KCNQ1: variants seen among roughly 807,000 people sequenced by gnomAD.
The protein encoded by KCNQ1 is potassium voltage-gated channel subfamily Q member 1, also known as potassium voltage-gated channel subfamily KQT member 1.
Under a neutral mutation model 72.4 loss-of-function variants are expected in KCNQ1, and 49 were observed. The observed-to-expected ratio is 0.68, with a 90% CI of 0.54 to 0.86. The LOEUF (loss-of-function observed/expected upper bound fraction) is 0.86, where lower values mean the gene tolerates loss of function less well. Among genes scored for constraint, KCNQ1 ranks in the 40% least tolerant of loss-of-function variants. KCNQ1 has a pLI of 0.00. For missense variants in KCNQ1, 790 were observed against 945.1 expected (o/e 0.84, Z 2.15); for synonymous variants, 450 against 412.6 (o/e 1.09, Z -1.10).
At chr11:2,459,684 C>T (rs1221849549) in intron 1 of KCNQ1, among the ~76,000 whole-genome samples, 4 of 152,084 alleles carry the variant, frequency 2.6e-5, no homozygotes, top group Admixed American at 2.0e-4. Context: ...GGTCCCTCCC[C>T]CCAGACCACC....
chr11:2,752,587 GCTGTGTC>G lies in KCNQ1; in HGVS notation c.1515-16254_1515-16248del, dbSNP rs750321428. On this transcript the variant is annotated intron_variant, in intron 11 of 15. Coordinates refer to ENST00000155840, the MANE Select transcript of KCNQ1 (RefSeq NM_000218.3). This position sits in a 1 kb window ranked among gnomAD's most constrained non-coding sequence, Gnocchi z 5.2. Reference sequence around the variant, plus strand: ...CTGTCTGATTCATGGAAGTCAGCGGGCTGTGTCCTCACGTGGCAGAAGAGGCAAAAAT... The same window carrying G: ...CTGTCTGATTCATGGAAGTCAGCGGGCTCACGTGGCAGAAGAGGCAAAAAT... Among the ~76,000 whole-genome samples the G allele has an allele frequency of 6.6e-6, 1 of 152,156 alleles. No individual in the cohort carries two copies. The highest frequency in any genetic ancestry group is 1.5e-5 in the Non-Finnish European group (1 of 68,030).
rs1471867324 is a variant in KCNQ1 at position 2,746,522 on chromosome 11, T to C, written c.1515-22322T>C. 6.6e-6 allele frequency among the ~76,000 whole-genome samples: 1 copy of C among 152,194 alleles called. No individual in the cohort carries two copies. The highest frequency in any genetic ancestry group is 1.9e-4 in the East Asian group (1 of 5,186). On this transcript the variant is annotated intron_variant, in intron 11 of 15. Transcript: ENST00000155840. The surrounding 1 kb of genome is among the most constrained non-coding windows in gnomAD (Gnocchi z 5.9). ...TTTCCCAGGCTCTCCTTGTTGGTGGTGACCTGGACGGTTCAGAGGAGGACA... is the reference window on the plus strand; with the variant it reads ...TTTCCCAGGCTCTCCTTGTTGGTGGCGACCTGGACGGTTCAGAGGAGGACA...
intron 11 of KCNQ1, among the ~76,000 whole-genome samples, chr11:2,733,814 A>ACACACTCTCT: frequency 1.2e-4 from 10 of 86,656 alleles, no homozygotes; most frequent in African/African-American, 4.2e-4. Flanking sequence ...ACACACACAC[A>ACACACTCTCT]CTCTCTCACT....
chr11:2,686,698 C>A, intron 11 of KCNQ1: 1 of 398,628 alleles, frequency 2.5e-6, no homozygotes, highest in Non-Finnish European at 4.4e-6. Context: ...AACCCATGTT[C>A]AAGGCTGGGA....
intron 1 of KCNQ1, among the ~76,000 whole-genome samples, chr11:2,510,266 G>A (rs569335651): frequency 2.7e-5 from 4 of 150,574 alleles, no homozygotes; most frequent in East Asian, 3.9e-4. Flanking sequence ...GTGACAGAAC[G>A]AGACCCTGTG....
rs909503345 is a variant in KCNQ1, at chr11:2,752,237, T to C, written c.1515-16607T>C. ...ACTGGGTTGATTTTAGCTTCACAGG[T>C]GATCTGAACCCAGCTGAGTGGCTTC... On this transcript the variant is annotated intron_variant, in intron 11 of 15. Coordinates refer to ENST00000155840, the MANE Select transcript of KCNQ1 (RefSeq NM_000218.3). The surrounding 1 kb of genome is among the most constrained non-coding windows in gnomAD (Gnocchi z 5.2). 6.6e-6 allele frequency among the ~76,000 whole-genome samples: 1 copy of C among 151,476 alleles called. No homozygotes were observed. The highest frequency in any genetic ancestry group is 1.9e-4 in the East Asian group (1 of 5,182).
chr11:2,644,211 TC>T (rs1317852103), intron 10 of KCNQ1: 2 of 398,458 alleles, frequency 5.0e-6, no homozygotes. Context: ...CTCTTCACCT[TC>T]TGGGACACTG....
intron 11 of KCNQ1, among the ~76,000 whole-genome samples, chr11:2,756,164 A>G (rs1002168855): frequency 6.6e-6 from 1 of 152,212 alleles, no homozygotes; most frequent in African/African-American, 2.4e-5. Flanking sequence ...CAGCAGTCCC[A>G]TATCTGGGCA....
At position 2,652,012 on chromosome 11, in the gene KCNQ1, T is replaced by C. The variant is rs556987410; in HGVS notation, c.1394-9949T>C. ...ACATCAGTTGTTAACATAATTTTGA[T>C]GTTGAGCCTCCCCCCAGTTCTGGGG... is the stretch of plus-strand genomic sequence containing the variant. On this transcript the variant is annotated intron_variant, in intron 10 of 15. Coordinates refer to ENST00000155840, the MANE Select transcript of KCNQ1 (RefSeq NM_000218.3). The surrounding 1 kb of genome is among the most constrained non-coding windows in gnomAD (Gnocchi z 5.9). 1.5e-3 allele frequency: 583 copies of C among 398,674 alleles called. 2 individuals carry two copies. Among genetic ancestry groups the C allele is most frequent in the African/African-American group, 9.4e-3 (459 of 48,762 alleles). 24.7% of individuals were successfully genotyped at this position (398,674 alleles called of 1,614,324 possible).
chr11:2,751,927 A>T (rs1298252785), intron 11 of KCNQ1, among the ~76,000 whole-genome samples: 1 of 152,128 alleles, frequency 6.6e-6, no homozygotes, highest in Non-Finnish European at 1.5e-5. Flanking sequence ...CCCCTCGTGG[A>T]TGCCCACACA....
At chr11:2,733,458 G>A (rs533140710) in intron 11 of KCNQ1, among the ~76,000 whole-genome samples, 47 of 152,236 alleles carry the variant, frequency 3.1e-4, no homozygotes, top group Admixed American at 2.3e-3. Flanking sequence ...TTCCCTGGGC[G>A]GTGTCAGGCA....
In KCNQ1 at chr11:2,663,848, C is replaced by A; in HGVS notation, c.1514+1767C>A. Reference sequence around the variant, plus strand: ...CTGGTATCAGCACATGCCAAGCTCCCTGGAGCCAGAGGTTACCCACCTGCC... The same window carrying A: ...CTGGTATCAGCACATGCCAAGCTCCATGGAGCCAGAGGTTACCCACCTGCC... On this transcript the variant is annotated intron_variant, in intron 11 of 15. Coordinates refer to ENST00000155840, the MANE Select transcript of KCNQ1 (RefSeq NM_000218.3). The surrounding 1 kb of genome is among the most constrained non-coding windows in gnomAD (Gnocchi z 5.2). 1 of 398,632 alleles carries A rather than the reference C, an allele frequency of 2.5e-6. No homozygotes were observed. Among genetic ancestry groups the A allele is most frequent in the South Asian group, 1.3e-4 (1 of 7,844 alleles). 24.7% of individuals were successfully genotyped at this position (398,632 alleles called of 1,614,324 possible). A position where few individuals can be genotyped will look rare whatever the true frequency, so the allele number is the denominator to read the frequency against.
At position 2,483,897 on chromosome 11, in the gene KCNQ1, C is replaced by CT. The variant is rs1318490749; in HGVS notation, c.386+38419dup. On this transcript the variant is annotated intron_variant, in intron 1 of 15. Transcript: ENST00000155840. This position sits in a 1 kb window ranked among gnomAD's most constrained non-coding sequence, Gnocchi z 6.1. Reference sequence around the variant, plus strand: ...AGCTACATTGAGACATTGCAGCTGCCTTTTTTCTCCTGAGATTTTGCCCCG... The same window carrying CT: ...AGCTACATTGAGACATTGCAGCTGCCTTTTTTTCTCCTGAGATTTTGCCCCG... Among the ~76,000 whole-genome samples the CT allele has an allele frequency of 1.3e-5, 2 of 152,116 alleles. No homozygotes were observed. Among genetic ancestry groups the CT allele is most frequent in the African/African-American group, 2.4e-5 (1 of 41,420 alleles).
In KCNQ1 at chr11:2,492,468, C is replaced by A; in HGVS notation, c.387-35460C>A. 6.6e-6 allele frequency among the ~76,000 whole-genome samples: 1 copy of A among 152,126 alleles called. No homozygotes were observed. Among genetic ancestry groups the A allele is most frequent in the Admixed American group, 6.6e-5 (1 of 15,266 alleles). On this transcript the variant is annotated intron_variant, in intron 1 of 15. Transcript: ENST00000155840. This position sits in a 1 kb window ranked among gnomAD's most constrained non-coding sequence, Gnocchi z 4.1. ...ATCAACCCATCATCTAGGTTTTAAG[C>A]CCTACATGCATTAGGTATTTGTCCT...
chr11:2,493,616 G>A lies in KCNQ1; in HGVS notation c.387-34312G>A, dbSNP rs976226576. ...ATTTATTAAATAGAGAATCCTTTCC[G>A]CATTGCTTTTTTGTCAGGTTGGTCA... On this transcript the variant is annotated intron_variant, in intron 1 of 15. Transcript: ENST00000155840. The surrounding 1 kb of genome is among the most constrained non-coding windows in gnomAD (Gnocchi z 5.3). 3.9e-5 allele frequency among the ~76,000 whole-genome samples: 6 copies of A among 151,940 alleles called. No individual in the cohort carries two copies. The highest frequency in any genetic ancestry group is 1.4e-4 in the African/African-American group (6 of 41,398).
intron 10 of KCNQ1, chr11:2,616,464 G>C: frequency 2.5e-6 from 1 of 396,844 alleles, no homozygotes; most frequent in Non-Finnish European, 4.4e-6. Context: ...TCTTTCTCTG[G>C]TTACGTAAGG....
At position 2,482,663 on chromosome 11, in the gene KCNQ1, C is replaced by G. The variant is rs964636427; in HGVS notation, c.386+37179C>G. Among the ~76,000 whole-genome samples the G allele has an allele frequency of 3.9e-5, 6 of 152,152 alleles. No homozygotes were observed. Among genetic ancestry groups the G allele is most frequent in the Non-Finnish European group, 7.3e-5 (5 of 68,030 alleles). On this transcript the variant is annotated intron_variant, in intron 1 of 15. Coordinates refer to ENST00000155840, the MANE Select transcript of KCNQ1 (RefSeq NM_000218.3). The surrounding 1 kb of genome is among the most constrained non-coding windows in gnomAD (Gnocchi z 5.7). ...TCCCCCCGCCAACCCCCACCCCACA[C>G]TGCACCACAAAGCTGGGTATTATCA...
At chr11:2,590,910 G>C (rs1017459358) in intron 10 of KCNQ1, among the ~76,000 whole-genome samples, 2 of 152,232 alleles carry the variant, frequency 1.3e-5, no homozygotes, top group Admixed American at 6.5e-5. Context: ...GGAGGTGTGG[G>C]AGGCCAAGCG....
At position 2,623,076 on chromosome 11, in the gene KCNQ1, G is replaced by C. The variant is rs1418631194; in HGVS notation, c.1393+34222G>C. On this transcript the variant is annotated intron_variant, in intron 10 of 15. Transcript: ENST00000155840. The surrounding 1 kb of genome is among the most constrained non-coding windows in gnomAD (Gnocchi z 5.2). ...CTTCCCCCTTGCTGTTCTCATGATA[G>C]TGAGTTCTCATGAGATCTGGTTGTT... 2.5e-6 allele frequency: 1 copy of C among 398,504 alleles called. No homozygotes were observed. The highest frequency in any genetic ancestry group is 2.1e-5 in the African/African-American group (1 of 48,608). The allele number at this position is 398,504 out of a possible 1,614,324, so 24.7% of individuals were successfully genotyped here. A position where few individuals can be genotyped will look rare whatever the true frequency, so the allele number is the denominator to read the frequency against.
Sources: allele counts gnomAD v4.1 joint callset (sites outside exome capture counted in the v4.1 genomes callset), GRCh38; gene constraint gnomAD v4.1.1; non-coding constraint Gnocchi (gnomAD v3.1); transcripts MANE v1.5; gene names NCBI Gene and HGNC (gene_info 2026-07-23, HGNC 2026-07-21).